BICC1: variants seen among roughly 807,000 people sequenced by gnomAD.
The protein encoded by BICC1 is BicC family RNA binding protein 1.
Under a neutral mutation model 111.0 loss-of-function variants are expected in BICC1, and 43 were observed. The ratio of observed to expected loss-of-function variants is 0.39; its 90% confidence interval spans 0.30 to 0.50. The LOEUF (loss-of-function observed/expected upper bound fraction) is 0.50, where lower values mean the gene tolerates loss of function less well. Ranked by LOEUF, BICC1 falls within the 20% of genes least tolerant of loss-of-function variation. The pLI is 0.88. For missense variants in BICC1, 1,091 were observed against 1,203.2 expected (o/e 0.91, Z 1.38); for synonymous variants, 467 against 434.4 (o/e 1.07, Z -0.93).
At chr10:58,638,335 G>GA (rs928497429) in intron 2 of BICC1, among the ~76,000 whole-genome samples, 6 of 151,838 alleles carry the variant, frequency 4.0e-5, no homozygotes, top group African/African-American at 2.4e-5. Context: ...AAGGCCATTT[G>GA]AAAAAAACAG....
At chr10:58,742,216 A>G (rs1335196057) in intron 3 of BICC1, among the ~76,000 whole-genome samples, 1 of 152,068 alleles carries the variant, frequency 6.6e-6, no homozygotes, top group Non-Finnish European at 1.5e-5. Flanking sequence ...GTTTCATTTT[A>G]CTTGTGTATG....
In BICC1 at chr10:58,820,579, T is replaced by C. The variant is rs1209786163; in HGVS notation, c.2794+111T>C. The C allele has an allele frequency of 5.6e-6, 4 of 713,302 alleles. No individual in the cohort carries two copies. The Admixed American group carries it at 8.5e-5, about 15-fold the overall frequency. The allele number at this position is 713,302 out of a possible 1,614,324, so 44.2% of individuals were successfully genotyped here. On this transcript the variant is annotated intron_variant, in intron 20 of 20. Transcript: ENST00000373886. ...CTGCTGGCTTACTAACCTAACACCT[T>C]GGTTGTGGTTTCAGAGGGTTTTCCT...
chr10:58,805,912 A>T (rs1843695647), intron 15 of BICC1, among the ~76,000 whole-genome samples: 1 of 152,208 alleles, frequency 6.6e-6, no homozygotes, highest in Admixed American at 6.5e-5. Context: ...CCTCACATAC[A>T]CTTGACTACA....
chr10:58,648,635 GAGGAT>G (rs1838344551), intron 2 of BICC1: 1 of 984,960 alleles, frequency 1.0e-6, no homozygotes, highest in African/African-American at 1.7e-5. Flanking sequence ...GACACACACA[GAGGAT>G]CTCATATCTT....
At chr10:58,614,679 G>C (rs1054195766) in intron 1 of BICC1, among the ~76,000 whole-genome samples, 1 of 152,162 alleles carries the variant, frequency 6.6e-6, no homozygotes, top group East Asian at 1.9e-4. Context: ...GGGCCATTCT[G>C]TGAAGGGTGT....
intron 3 of BICC1, among the ~76,000 whole-genome samples, chr10:58,718,122 G>A (rs1053318218): frequency 2.0e-5 from 3 of 152,054 alleles, no homozygotes; most frequent in African/African-American, 7.2e-5. Context: ...TGTTGTCTTA[G>A]TTCATTTTGG....
intron 3 of BICC1, chr10:58,715,716 T>A: frequency 2.5e-6 from 4 of 1,577,298 alleles, no homozygotes; most frequent in Non-Finnish European, 3.5e-6. Flanking sequence ...AAAGAAAGGT[T>A]CCAAGGCTTT....
chr10:58,761,230 G>A (rs1842306949), intron 3 of BICC1, among the ~76,000 whole-genome samples: 1 of 152,128 alleles, frequency 6.6e-6, no homozygotes, highest in Non-Finnish European at 1.5e-5. Flanking sequence ...ACAGATGAAG[G>A]CTACCCCACC....
intron 1 of BICC1, among the ~76,000 whole-genome samples, chr10:58,519,165 G>A (rs979051316): frequency 6.6e-6 from 1 of 152,166 alleles, no homozygotes; most frequent in African/African-American, 2.4e-5. Context: ...TCTTCAGCCT[G>A]TGGCTTTTTG....
At chr10:58,727,643 A>G (rs1841151379) in intron 3 of BICC1, among the ~76,000 whole-genome samples, 1 of 152,180 alleles carries the variant, frequency 6.6e-6, no homozygotes, top group African/African-American at 2.4e-5. Context: ...GAATTACAAA[A>G]GGATTTCTGG....
chr10:58,741,665 C>T (rs541917459), intron 3 of BICC1, among the ~76,000 whole-genome samples: 33 of 152,170 alleles, frequency 2.2e-4, no homozygotes, highest in East Asian at 1.4e-3. Flanking sequence ...GCATTACAAA[C>T]GGGAAACTGA....
intron 3 of BICC1, among the ~76,000 whole-genome samples, chr10:58,725,829 G>A (rs550265975): frequency 1.2e-4 from 18 of 152,204 alleles, no homozygotes; most frequent in African/African-American, 3.9e-4. Flanking sequence ...ATGTTTTCAG[G>A]GAAAAGGGAA....
At chr10:58,538,470 A>G (rs181807481) in intron 1 of BICC1, among the ~76,000 whole-genome samples, 1 of 152,096 alleles carries the variant, frequency 6.6e-6, no homozygotes, top group East Asian at 1.9e-4. Context: ...TACAAAAATT[A>G]AGATAGATTA....
intron 20 of BICC1, chr10:58,823,152 C>T (rs566204104): frequency 6.8e-5 from 52 of 768,360 alleles, no homozygotes; most frequent in African/African-American, 7.6e-5. Flanking sequence ...AGTGAAAGGA[C>T]GCTTAGCATC....
At chr10:58,777,011 G>A (rs934554970) in intron 3 of BICC1, among the ~76,000 whole-genome samples, 2 of 151,486 alleles carry the variant, frequency 1.3e-5, no homozygotes. Flanking sequence ...TTATGTCTGG[G>A]GTGTAGTTTA....
intron 3 of BICC1, among the ~76,000 whole-genome samples, chr10:58,750,716 CA>C (rs1037900243): frequency 6.6e-6 from 1 of 152,138 alleles, no homozygotes; most frequent in African/African-American, 2.4e-5. Flanking sequence ...ATTTTTTAAA[CA>C]AAATGCCTCC....
chr10:58,658,769 C>A (rs1001357362), intron 2 of BICC1, among the ~76,000 whole-genome samples: 1 of 152,112 alleles, frequency 6.6e-6, no homozygotes, highest in African/African-American at 2.4e-5. Context: ...TTTTGACATG[C>A]TCCCATCATT....
intron 3 of BICC1, among the ~76,000 whole-genome samples, chr10:58,744,352 CTCAATTTT>C (rs1193298042): frequency 6.6e-6 from 1 of 151,982 alleles, no homozygotes; most frequent in Non-Finnish European, 1.5e-5. Context: ...TCTTTCCCCA[CTCAATTTT>C]TCTTCCAAAG....
intron 2 of BICC1, among the ~76,000 whole-genome samples, chr10:58,643,470 C>T (rs1457681189): frequency 6.6e-6 from 1 of 152,196 alleles, no homozygotes; most frequent in African/African-American, 2.4e-5. Flanking sequence ...TAAATGTGAG[C>T]TTGGCTGGGC....
Sources: allele counts gnomAD v4.1 joint callset (sites outside exome capture counted in the v4.1 genomes callset), GRCh38; gene constraint gnomAD v4.1.1; transcripts MANE v1.5; gene names NCBI Gene and HGNC (gene_info 2026-07-23, HGNC 2026-07-21).